The following CCSER1 variants were observed in gnomAD, a reference collection of about 807,000 sequenced individuals.
CCSER1 encodes the protein serine-rich coiled-coil domain-containing protein 1.
In CCSER1, 41 loss-of-function variants were observed where a neutral mutation model predicts 82.0. The ratio of observed to expected loss-of-function variants is 0.50; its 90% CI spans 0.39 to 0.65. The LOEUF is 0.65. CCSER1 is among the 30% of genes least tolerant of loss of function. CCSER1 has a pLI of 0.00. For synonymous variants in CCSER1, 414 were observed against 383.9 expected, an observed-to-expected ratio of 1.08 and a Z score of -0.92; for missense variants, 1,119 against 1,064.2, an observed-to-expected ratio of 1.05 and a Z score of -0.72.
intron 10 of CCSER1, among the ~76,000 whole-genome samples, chr4:91,527,205 T>C (rs572113643): frequency 2.0e-5 from 3 of 152,302 alleles, no homozygotes; most frequent in Admixed American, 1.3e-4. Context: ...TTGAAGTGCA[T>C]AGCATTTTAA....
At chr4:90,522,416 G>T (rs1167945205) in intron 5 of CCSER1, among the ~76,000 whole-genome samples, 18 of 152,026 alleles carry the variant, frequency 1.2e-4, no homozygotes, top group Admixed American at 1.2e-3. Flanking sequence ...TTCTAACTGA[G>T]CTGTCTGGCA....
chr4:90,941,096 T>C (rs1385628585), intron 9 of CCSER1, among the ~76,000 whole-genome samples: 3 of 152,132 alleles, frequency 2.0e-5, no homozygotes, highest in Non-Finnish European at 1.5e-5. Flanking sequence ...CTACCTACTA[T>C]GCCTAAGGTG....
intron 10 of CCSER1, among the ~76,000 whole-genome samples, chr4:91,376,470 T>A (rs191775937): frequency 4.6e-5 from 7 of 152,302 alleles, no homozygotes; most frequent in Admixed American, 4.6e-4. Flanking sequence ...ATAGGACCAC[T>A]GTCACATATG....
At chr4:91,533,777 A>G (rs1037680510) in intron 10 of CCSER1, among the ~76,000 whole-genome samples, 2 of 152,014 alleles carry the variant, frequency 1.3e-5, no homozygotes, top group African/African-American at 4.8e-5. Flanking sequence ...ACATTTCCCA[A>G]TCGTAATTTT....
intron 9 of CCSER1, among the ~76,000 whole-genome samples, chr4:90,995,909 T>C (rs2150460778): frequency 6.6e-6 from 1 of 152,220 alleles, no homozygotes; most frequent in Admixed American, 6.5e-5. Flanking sequence ...GATTTAACTA[T>C]ACAGATATGC....
intron 10 of CCSER1, among the ~76,000 whole-genome samples, chr4:91,357,963 C>T (rs930775406): frequency 7.2e-6 from 1 of 138,506 alleles, no homozygotes; most frequent in African/African-American, 2.7e-5. Context: ...ACTAAGGCCA[C>T]AAGATTAGAA....
At chr4:90,598,859 AG>A (rs1000961449) in intron 5 of CCSER1, among the ~76,000 whole-genome samples, 7 of 152,280 alleles carry the variant, frequency 4.6e-5, no homozygotes, top group African/African-American at 1.4e-4. Context: ...TTCCCAGAGT[AG>A]GGAGCTATAG....
intron 8 of CCSER1, among the ~76,000 whole-genome samples, chr4:90,869,438 C>T (rs1766161005): frequency 6.6e-6 from 1 of 151,894 alleles, no homozygotes; most frequent in Non-Finnish European, 1.5e-5. Flanking sequence ...GTTTTCCCAC[C>T]ACCATTTGTT....
chr4:91,478,299 A>G (rs543020908), intron 10 of CCSER1, among the ~76,000 whole-genome samples: 1 of 152,054 alleles, frequency 6.6e-6, no homozygotes, highest in African/African-American at 2.4e-5. Flanking sequence ...CATTATTTCT[A>G]CAAGTAAATT....
chr4:91,120,998 G>A (rs775645713), intron 10 of CCSER1, among the ~76,000 whole-genome samples: 5 of 151,774 alleles, frequency 3.3e-5, no homozygotes, highest in Non-Finnish European at 5.9e-5. Context: ...TTTCTATTCT[G>A]ATTTGGAAAA....
In CCSER1 at chr4:90,161,442, T is replaced by C. The variant is rs1351439209; in HGVS notation, c.-42+33611T>C. Among the ~76,000 whole-genome samples the C allele has an allele frequency of 2.6e-5, 4 of 152,168 alleles. No individual in the cohort carries two copies. In the East Asian group the frequency reaches 7.7e-4, roughly 29 times the overall value. On this transcript the variant is annotated intron_variant, in intron 1 of 10. Coordinates refer to ENST00000509176, the MANE Select transcript of CCSER1 (RefSeq NM_001145065.2). ...AAATATAGAATTTACATATTGTTGA[T>C]GTATTAGCTGTTGGCATTTTGTTAT...
intron 5 of CCSER1, among the ~76,000 whole-genome samples, chr4:90,574,765 G>A (rs1780549342): frequency 6.6e-6 from 1 of 151,538 alleles, no homozygotes; most frequent in Non-Finnish European, 1.5e-5. Context: ...TGACATTTTG[G>A]TGTTTTTTTT....
In CCSER1 at chr4:91,586,590, C is replaced by G. The variant is rs117633876; in HGVS notation, c.2218-11982C>G. On this transcript the variant is annotated intron_variant, in intron 10 of 10. Coordinates refer to ENST00000509176, the MANE Select transcript of CCSER1 (RefSeq NM_001145065.2). ...TGTGTAAAGAAAATGTATAAACTGA[C>G]AAGTATCCATTTTACTTGACAACTT... is the stretch of plus-strand genomic sequence containing the variant. Among the ~76,000 whole-genome samples the G allele has an allele frequency of 7.7e-4, 117 of 151,792 alleles. 1 individual carries two copies. In the East Asian group the frequency reaches 0.014, roughly 18 times the overall value.
intron 1 of CCSER1, among the ~76,000 whole-genome samples, chr4:90,139,517 A>AT (rs879407071): frequency 1.2e-4 from 18 of 151,788 alleles, no homozygotes; most frequent in Non-Finnish European, 2.1e-4. Context: ...ATTTTATTCT[A>AT]TTTTTTTCAC....
intron 8 of CCSER1, among the ~76,000 whole-genome samples, chr4:90,829,299 C>T (rs1490808273): frequency 6.6e-6 from 1 of 151,966 alleles, no homozygotes; most frequent in East Asian, 1.9e-4. Flanking sequence ...AATTTGAAGC[C>T]TCTCTTAAAA....
chr4:90,870,616 A>G (rs1025010983), intron 8 of CCSER1, among the ~76,000 whole-genome samples: 1 of 151,760 alleles, frequency 6.6e-6, no homozygotes, highest in Non-Finnish European at 1.5e-5. Flanking sequence ...TTTTACATCA[A>G]TGTTTTTCAG....
intron 1 of CCSER1, among the ~76,000 whole-genome samples, chr4:90,243,919 G>A (rs1188553464): frequency 6.6e-6 from 1 of 151,594 alleles, no homozygotes; most frequent in Non-Finnish European, 1.5e-5. Flanking sequence ...CAAAAATTAA[G>A]TGTGTTTATT....
intron 3 of CCSER1, chr4:90,370,233 G>T (rs1747142550): frequency 6.6e-6 from 1 of 152,056 alleles, no homozygotes; most frequent in Non-Finnish European, 1.5e-5. Flanking sequence ...GCTCCATGCT[G>T]GGCATTCCAC....
intron 10 of CCSER1, among the ~76,000 whole-genome samples, chr4:91,283,792 A>T (rs1260088615): frequency 6.6e-6 from 1 of 151,874 alleles, no homozygotes; most frequent in South Asian, 2.1e-4. Context: ...AAAAAAAAAA[A>T]TTTGTTTTAT....
Sources: gnomAD v4.1 joint callset for allele counts (sites outside exome capture counted in the v4.1 genomes callset) on GRCh38, gnomAD v4.1.1 for gene constraint, MANE v1.5 for transcripts, NCBI Gene and HGNC (gene_info 2026-07-23, HGNC 2026-07-21) for gene names.